Variants in TBC1D23 observed in about 807,000 individuals in gnomAD.
TBC1D23 encodes TBC1 domain family member 23, also known as HCV non-structural protein 4A-transactivated protein 1.
In TBC1D23, 55 loss-of-function variants were observed where a neutral mutation model predicts 91.4. The ratio of observed to expected loss-of-function variants is 0.60; its 90% CI spans 0.48 to 0.75. The LOEUF is 0.75. Ranked by LOEUF, TBC1D23 falls within the 30% of genes least tolerant of loss-of-function variation. The pLI, the probability that TBC1D23 is intolerant of heterozygous loss-of-function variation, is 0.00. For missense variants in TBC1D23, 725 were observed against 836.1 expected (o/e 0.87, Z 1.64); for synonymous variants, 289 against 281.0 (o/e 1.03, Z -0.28).
Position 100,295,119 on chromosome 3 carries a change from T to C in TBC1D23, c.633T>C (p.Thr211=), listed in dbSNP as rs952207068. 6.2e-7 allele frequency: 1 copy of C among 1,602,176 alleles called. No homozygotes were observed. Among genetic ancestry groups the C allele is most frequent in the Admixed American group, 1.8e-5 (1 of 56,396 alleles). The change falls in exon 6 of 19, where the codon ACT becomes ACC. Residue 211 remains threonine, a synonymous_variant. Transcript: ENST00000394144. ...GTCTTTTTGCATGTTACTGTTCCAC[T>C]GAAGTCACTCAGGCAATATGGGATG... is the stretch of plus-strand genomic sequence containing the variant. The part of the protein sequence containing the change: ...LGSLFACYCS[T]EVTQAIWDGY...
chr3:100,291,213 T>C (rs1227434530), intron 5 of TBC1D23, among the ~76,000 whole-genome samples: 1 of 152,180 alleles, frequency 6.6e-6, no homozygotes, highest in Non-Finnish European at 1.5e-5. Flanking sequence ...AGGTCAGTGG[T>C]CCTTAAACCT....
Position 100,295,049 on chromosome 3 carries a change from C to T in TBC1D23, c.601-38C>T, listed in dbSNP as rs1331369201. ...TACTTTTAAGAGAACAAGTCACCTC[C>T]AGTGGTTTATGTCTCTCATTTCATT... On this transcript the variant is annotated intron_variant, in intron 5 of 18. Transcript: ENST00000394144. 3 of 1,528,664 alleles carry T rather than the reference C, an allele frequency of 2.0e-6. No homozygotes were observed. The African/African-American group carries it at 4.2e-5, about 21-fold the overall frequency. 94.7% of individuals were successfully genotyped at this position (1,528,664 alleles called of 1,614,324 possible).
At position 100,271,392 on chromosome 3, in the gene TBC1D23, T is replaced by C. The variant is rs147139002; in HGVS notation, c.54-8257T>C. On this transcript the variant is annotated intron_variant, in intron 1 of 18. Coordinates refer to ENST00000394144, the MANE Select transcript of TBC1D23 (RefSeq NM_001199198.3). ...TGTTTCTAATGGCAATTTTTGAGCA[T>C]GTTTTCTCAGAAGAAAGAGCCAGTA... 1.8e-3 allele frequency among the ~76,000 whole-genome samples: 268 copies of C among 152,276 alleles called. 2 individuals are homozygous for C. Among genetic ancestry groups the C allele is most frequent in the African/African-American group, 5.9e-3 (247 of 41,544 alleles).
intron 16 of TBC1D23, among the ~76,000 whole-genome samples, chr3:100,316,555 A>T (rs1705748596): frequency 6.6e-6 from 1 of 152,094 alleles, no homozygotes; most frequent in East Asian, 1.9e-4. Flanking sequence ...TAAACTGATG[A>T]TAATTTGGAG....
chr3:100,282,791 T>C (rs1266672845), intron 3 of TBC1D23, among the ~76,000 whole-genome samples: 1 of 152,224 alleles, frequency 6.6e-6, no homozygotes, highest in African/African-American at 2.4e-5. Context: ...TAGCAACAAC[T>C]GCCCATCATG....
intron 1 of TBC1D23, among the ~76,000 whole-genome samples, chr3:100,263,041 C>G (rs887676787): frequency 1.3e-5 from 2 of 152,148 alleles, no homozygotes; most frequent in African/African-American, 4.8e-5. Context: ...ACCAAACAGA[C>G]TTTGTGTGAG....
At chr3:100,287,513 A>G (rs1261689771) in intron 4 of TBC1D23, among the ~76,000 whole-genome samples, 3 of 152,166 alleles carry the variant, frequency 2.0e-5, no homozygotes, top group Non-Finnish European at 4.4e-5. Flanking sequence ...GTATGCCTCT[A>G]CTCACTGTGT....
At chr3:100,264,505 C>G (rs994023543) in intron 1 of TBC1D23, among the ~76,000 whole-genome samples, 1 of 152,134 alleles carries the variant, frequency 6.6e-6, no homozygotes, top group Non-Finnish European at 1.5e-5. Context: ...AATTTATGTT[C>G]TAGATACAGG....
At chr3:100,280,645 C>T (rs1222525295) in intron 2 of TBC1D23, among the ~76,000 whole-genome samples, 2 of 152,158 alleles carry the variant, frequency 1.3e-5, no homozygotes, top group African/African-American at 4.8e-5. Context: ...TAAAACTGTA[C>T]ACAGCATTCT....
rs540371069 is a variant in TBC1D23, at chr3:100,290,558, T to C, written c.477-20T>C. 4 of 1,610,990 alleles carry C rather than the reference T, an allele frequency of 2.5e-6. No individual in the cohort carries two copies. The Admixed American group carries it at 6.7e-5, about 27-fold the overall frequency. On this transcript the variant is annotated intron_variant, in intron 4 of 18. Coordinates refer to ENST00000394144, the MANE Select transcript of TBC1D23 (RefSeq NM_001199198.3). Reference sequence around the variant, plus strand: ...TCTGATCTGTTAATGCAAAAAAATTTTGCTTCTCTTGTCTTCTAGGGATTG... The same window carrying C: ...TCTGATCTGTTAATGCAAAAAAATTCTGCTTCTCTTGTCTTCTAGGGATTG...
At chr3:100,306,324 C>T (rs181586405) in intron 12 of TBC1D23, 113 bp from the exon 13 acceptor site, 3 of 613,446 alleles carry the variant, frequency 4.9e-6, no homozygotes, top group East Asian at 5.7e-5. Context: ...GTGATTATTT[C>T]CTTCAGTCCT....
At chr3:100,292,732 T>G (rs2067802781) in intron 5 of TBC1D23, among the ~76,000 whole-genome samples, 1 of 152,066 alleles carries the variant, frequency 6.6e-6, no homozygotes, top group Non-Finnish European at 1.5e-5. Context: ...CCTGAGTAGC[T>G]GGGACCACAG....
chr3:100,293,720 T>C (rs1489253744), intron 5 of TBC1D23, among the ~76,000 whole-genome samples: 1 of 152,212 alleles, frequency 6.6e-6, no homozygotes, highest in Non-Finnish European at 1.5e-5. Flanking sequence ...TTACATGGGC[T>C]GTGGAATCTC....
chr3:100,294,288 T>C (rs2067819092), intron 5 of TBC1D23, among the ~76,000 whole-genome samples: 1 of 150,538 alleles, frequency 6.6e-6, no homozygotes, highest in South Asian at 2.1e-4. Context: ...TGAGACAGAG[T>C]CTCACTCTGT....
At chr3:100,294,447 G>A (rs2067820308) in intron 5 of TBC1D23, among the ~76,000 whole-genome samples, 1 of 151,950 alleles carries the variant, frequency 6.6e-6, no homozygotes, top group Non-Finnish European at 1.5e-5. Context: ...TTTTAGTAGA[G>A]ACGGGGTTTC....
chr3:100,300,695 G>A (rs1230774494), intron 10 of TBC1D23, among the ~76,000 whole-genome samples: 1 of 151,334 alleles, frequency 6.6e-6, no homozygotes, highest in Non-Finnish European at 1.5e-5. Context: ...TAGAGGAGGG[G>A]GTTCATGTTG....
At chr3:100,291,438 C>T (rs143963368) in intron 5 of TBC1D23, among the ~76,000 whole-genome samples, 2 of 151,960 alleles carry the variant, frequency 1.3e-5, no homozygotes, top group African/African-American at 4.8e-5. Context: ...AAAAATTAGT[C>T]GGGTGTGGTG....
In TBC1D23 at chr3:100,319,187, T is replaced by C; in HGVS notation, c.1806T>C (p.Ser602=). The C allele has an allele frequency of 6.2e-7, 1 of 1,605,376 alleles. No homozygotes were observed. The highest frequency in any genetic ancestry group is 8.5e-7 in the Non-Finnish European group (1 of 1,177,512). ...TTCCTTGTAAAGAAGTAAAAGAAAG[T>C]GGACACATGTTTCCCAGGTACTTTT... ...HHFPCKEVKE[S]GHMFPSHLLV... Residue 602 remains serine (S), a synonymous_variant, in exon 17 of 19, where the codon AGT becomes AGC. Coordinates refer to ENST00000394144, the MANE Select transcript of TBC1D23 (RefSeq NM_001199198.3).
chr3:100,321,830 T>TAAA (rs10693696), intron 18 of TBC1D23, among the ~76,000 whole-genome samples: 1,787 of 146,146 alleles, frequency 0.012, 15 homozygotes, highest in Middle Eastern at 0.032. Context: ...ACCTGATTTG[T>TAAA]AAAAAAAAAA....
Sources: allele counts gnomAD v4.1 joint callset (sites outside exome capture counted in the v4.1 genomes callset), GRCh38; gene constraint gnomAD v4.1.1; transcripts MANE v1.5; gene names NCBI Gene and HGNC (gene_info 2026-07-23, HGNC 2026-07-21).